BPI: variants seen among roughly 807,000 people sequenced by gnomAD.
BPI encodes the protein bactericidal permeability increasing protein, also known as bactericidal permeability-increasing protein.
A neutral mutation model predicts 57.6 loss-of-function variants in BPI; 48 were observed. That is an observed-to-expected ratio of 0.83 (90% CI 0.66 to 1.06). The LOEUF is 1.06. BPI is among the 50% of genes least tolerant of loss of function. BPI has a pLI of 0.00. For synonymous variants in BPI, 237 were observed against 238.2 expected (o/e 0.99, Z 0.05); for missense variants, 651 against 609.7 (o/e 1.07, Z -0.71).
At chr20:38,319,030 T>C (rs2076667751) in intron 6 of BPI, among the ~76,000 whole-genome samples, 1 of 151,628 alleles carries the variant, frequency 6.6e-6, no homozygotes, top group Non-Finnish European at 1.5e-5. Context: ...AGGTCAGGAG[T>C]TCAAGACCAG....
chr20:38,317,677 T>C, intron 5 of BPI: 1 of 800,754 alleles, frequency 1.2e-6, no homozygotes, highest in Non-Finnish European at 2.2e-6. Context: ...GTTCACAGAC[T>C]CCATCTCTTG....
At chr20:38,317,557 G>T in intron 5 of BPI, 1 of 678,016 alleles carries the variant, frequency 1.5e-6, no homozygotes. Context: ...GCATTGAGTG[G>T]GTTCTGCACA....
intron 5 of BPI, among the ~76,000 whole-genome samples, chr20:38,314,753 G>A (rs1600702196): frequency 6.7e-6 from 1 of 148,922 alleles, no homozygotes; most frequent in African/African-American, 2.5e-5. Flanking sequence ...GGATGATGAT[G>A]GTGGTGATGG....
chr20:38,304,930 T>C (rs1054226656), intron 1 of BPI, among the ~76,000 whole-genome samples: 1 of 152,170 alleles, frequency 6.6e-6, no homozygotes, highest in Non-Finnish European at 1.5e-5. Flanking sequence ...ACAGTCTCTT[T>C]TACCCTCACT....
chr20:38,337,118 T>C (rs372310821), intron 14 of BPI, 28 bp from the exon 15 acceptor site: 37 of 1,598,870 alleles, frequency 2.3e-5, no homozygotes, highest in Non-Finnish European at 2.9e-5. Context: ...CATCTTCAAC[T>C]GGTGACAACA....
chr20:38,334,776 G>A (rs1324413998), intron 13 of BPI, among the ~76,000 whole-genome samples: 1 of 152,148 alleles, frequency 6.6e-6, no homozygotes, highest in Non-Finnish European at 1.5e-5. Context: ...GGCAGGAAGC[G>A]GAAGAACAGA....
chr20:38,332,740 G>T (rs747745151), intron 12 of BPI, among the ~76,000 whole-genome samples: 6 of 152,104 alleles, frequency 3.9e-5, no homozygotes, highest in Non-Finnish European at 7.4e-5. Context: ...CAAGTAGGTG[G>T]TTCGCCTGCC....
chr20:38,335,944 C>T (rs966808000), intron 14 of BPI, among the ~76,000 whole-genome samples: 1 of 152,174 alleles, frequency 6.6e-6, no homozygotes, highest in African/African-American at 2.4e-5. Flanking sequence ...AAATGAAATG[C>T]ATTTGTGGGC....
chr20:38,308,984 T>C lies in BPI; in HGVS notation c.300T>C (p.Asn100=). 1 of 1,614,226 alleles carries C rather than the reference T, an allele frequency of 6.2e-7. No homozygotes were observed. Among genetic ancestry groups the C allele is most frequent in the Non-Finnish European group, 8.5e-7 (1 of 1,180,030 alleles). ...GTTCCCAGATAAGCATGGTGCCCAA[T>C]GTGGGCCTTAAGTTCTCCATCAGCA... ...LPSSQISMVP[N]VGLKFSISNA... Residue 100 remains asparagine, a synonymous_variant, in exon 3 of 15, where the codon AAT becomes AAC. Transcript: ENST00000642449.
rs2076616703 is a variant in BPI, at chr20:38,310,507, T to G, written c.391T>G (p.Phe131Val). Residue 131 changes from phenylalanine (F) to valine (V), a missense_variant, in exon 4 of 15, where the codon TTT (phenylalanine) becomes GTT (valine). By Grantham distance (50) the Phe-to-Val change is conservative. Coordinates refer to ENST00000642449, the MANE Select transcript of BPI (RefSeq NM_001725.3). Reference protein sequence around the residue: ...QKRFLKMSGNFDLSIEGMSIS... With the variant: ...QKRFLKMSGNVDLSIEGMSIS... ...CTTCTTCAGAAAAATGAGCGGCAAT[T>G]TTGACCTGAGCATAGAAGGCATGTC... 1 of 1,613,334 alleles carries G rather than the reference T, an allele frequency of 6.2e-7. No individual in the cohort carries two copies. Among genetic ancestry groups the G allele is most frequent in the African/African-American group, 1.3e-5 (1 of 75,024 alleles).
chr20:38,310,719 A>G (rs2076618028), intron 4 of BPI, 67 bp downstream of exon 4: 4 of 1,560,334 alleles, frequency 2.6e-6, no homozygotes, highest in Non-Finnish European at 3.5e-6. Context: ...TCATCCCTGT[A>G]TTCCGAAAAC....
At chr20:38,316,692 G>A (rs938949224) in intron 5 of BPI, among the ~76,000 whole-genome samples, 2 of 152,198 alleles carry the variant, frequency 1.3e-5, no homozygotes, top group South Asian at 2.1e-4. Context: ...GGAATGGTGG[G>A]GAGCACACCT....
chr20:38,312,038 C>G, intron 5 of BPI, 101 bp downstream of exon 5: 1 of 1,201,578 alleles, frequency 8.3e-7, no homozygotes, highest in South Asian at 1.3e-5. Context: ...CTCCAGACCC[C>G]TTGGTAGTCC....
chr20:38,323,963 G>A lies in BPI; in HGVS notation c.850G>A (p.Gly284Ser). The change falls in exon 8 of 15, where the codon GGC becomes AGC. Residue 284 changes from glycine to serine, a missense_variant. Physicochemically the swap from Gly to Ser is moderately conservative, Grantham distance 56. Transcript: ENST00000642449. ...TGCCCATGACCGCATGGTATACCTGGGCCTCTCAGACTACTTCTTCAACAC... is the reference window on the plus strand; with the variant it reads ...TGCCCATGACCGCATGGTATACCTGAGCCTCTCAGACTACTTCTTCAACAC... ...PAAHDRMVYL[G>S]LSDYFFNTAG... The A allele has an allele frequency of 6.2e-7, 1 of 1,614,086 alleles. No homozygotes were observed. Among genetic ancestry groups the A allele is most frequent in the Non-Finnish European group, 8.5e-7 (1 of 1,180,014 alleles).
chr20:38,307,612 T>C lies in BPI; in HGVS notation c.176T>C (p.Ile59Thr), dbSNP rs1568807920. ...GCTCTGCAGAAGGAGCTGAAGAGGA[T>C]CAAGATTCCTGACTACTCAGACAGC... ...TAALQKELKR[I>T]KIPDYSDSFK... The change falls in exon 2 of 15, where the codon ATC becomes ACC. Residue 59 changes from isoleucine (I) to threonine (T), a missense_variant. Physicochemically the swap from Ile to Thr is moderately conservative, Grantham distance 89 (BLOSUM62 -1). Transcript: ENST00000642449. 1.9e-6 allele frequency: 3 copies of C among 1,611,880 alleles called. No individual in the cohort carries two copies. The highest frequency in any genetic ancestry group is 1.7e-6 in the Non-Finnish European group (2 of 1,179,160).
chr20:38,330,983 A>C, intron 11 of BPI, 65 bp from the exon 12 acceptor site: 1 of 1,578,400 alleles, frequency 6.3e-7, no homozygotes, highest in Non-Finnish European at 8.7e-7. Flanking sequence ...TCTCCTCTCT[A>C]GAGACTGGGT....
At chr20:38,323,133 C>G (rs953553351) in intron 7 of BPI, among the ~76,000 whole-genome samples, 12 of 152,124 alleles carry the variant, frequency 7.9e-5, no homozygotes, top group Admixed American at 1.3e-4. Context: ...GTGCCTCTCC[C>G]CCCACCCCAG....
Position 38,308,927 on chromosome 20 carries a change from C to T in BPI, c.246-3C>T. 3.7e-6 allele frequency: 6 copies of T among 1,614,102 alleles called. No homozygotes were observed. The highest frequency in any genetic ancestry group is 5.1e-6 in the Non-Finnish European group (6 of 1,179,974). ...ATATGACATTCACATTTCTCCTTTG[C>T]AGCATGGACATCCGTGAATTCCAGC... On this transcript the variant is annotated splice_polypyrimidine_tract_variant and splice_region_variant and intron_variant, in intron 2 of 14. Transcript: ENST00000642449.
At chr20:38,307,907 A>G (rs1272598836) in intron 2 of BPI, among the ~76,000 whole-genome samples, 1 of 152,230 alleles carries the variant, frequency 6.6e-6, no homozygotes, top group South Asian at 2.1e-4. Flanking sequence ...ACTCTGCGCC[A>G]TATGTCAATT....
Sources: allele counts gnomAD v4.1 joint callset (sites outside exome capture counted in the v4.1 genomes callset), GRCh38; gene constraint gnomAD v4.1.1; transcripts MANE v1.5; gene names NCBI Gene and HGNC (gene_info 2026-07-23, HGNC 2026-07-21).